CRHBP: variants seen among roughly 807,000 people sequenced by gnomAD.
The protein encoded by CRHBP is corticotropin-releasing hormone-binding protein.
Under a neutral mutation model 34.9 loss-of-function variants are expected in CRHBP, and 19 were observed. The ratio of observed to expected loss-of-function variants is 0.55; its 90% CI spans 0.38 to 0.80. CRHBP has a LOEUF of 0.80. Among genes scored for constraint, CRHBP ranks in the 30% least tolerant of loss-of-function variants. The pLI is 0.00. For missense variants in CRHBP, 328 were observed against 409.2 expected (o/e 0.80, Z 1.71); for synonymous variants, 154 against 153.4 (o/e 1.00, Z -0.03).
intron 6 of CRHBP, among the ~76,000 whole-genome samples, chr5:76,964,568 C>T (rs1174032952): frequency 5.3e-5 from 8 of 152,122 alleles, no homozygotes; most frequent in Non-Finnish European, 8.8e-5. Flanking sequence ...AAATATTCAG[C>T]GTAGGCTAGG....
At chr5:76,963,151 T>G in intron 5 of CRHBP, 192 bp from the exon 6 acceptor site, 2 of 564,590 alleles carry the variant, frequency 3.5e-6, no homozygotes, top group Non-Finnish European at 6.3e-6. Context: ...TCAACTGATT[T>G]AGAAAAGCAA....
Position 76,968,849 on chromosome 5 carries a change from A to C in CRHBP, c.933A>C (p.Gly311=). ...LEPYELENPN[G]NSIGEFCLSG... ...CGTACGAGCTGGAAAACCCAAATGG[A>C]AACAGTATCGGGGAATTCTGTTTGT... Residue 311 remains glycine (G), a synonymous_variant, in exon 7 of 7, where the codon GGA becomes GGC. Coordinates refer to ENST00000274368, the MANE Select transcript of CRHBP (RefSeq NM_001882.4). 1.2e-6 allele frequency: 2 copies of C among 1,614,128 alleles called. No homozygotes were observed. The highest frequency in any genetic ancestry group is 1.7e-6 in the Non-Finnish European group (2 of 1,180,002).
At chr5:76,973,982 G>GTTATTATTA (rs112354774), downstream of CRHBP, among the ~76,000 whole-genome samples, 3 of 147,140 alleles carry the variant, frequency 2.0e-5, no homozygotes, top group African/African-American at 5.0e-5. Flanking sequence ...TTTCTAAATC[G>GTTATTATTA]TTATTATTAT....
At chr5:76,978,635 T>G (rs1203712120) in intron 3 of CRHBP, among the ~76,000 whole-genome samples, 1 of 152,256 alleles carries the variant, frequency 6.6e-6, no homozygotes, top group Non-Finnish European at 1.5e-5. Context: ...GTTGTTTTCA[T>G]GCCTGCTAAC....
At chr5:76,953,769 T>C (rs1344019654) in intron 2 of CRHBP, 75 bp downstream of exon 2, 1 of 1,431,248 alleles carries the variant, frequency 7.0e-7, no homozygotes, top group Non-Finnish European at 9.6e-7. Context: ...GGCAGAGGGC[T>C]CGCGGACATC....
intron 3 of CRHBP, 67 bp downstream of exon 3, chr5:76,954,253 G>A (rs890793369): frequency 1.2e-5 from 18 of 1,536,870 alleles, no homozygotes; most frequent in Non-Finnish European, 1.5e-5. Flanking sequence ...GGGCTGGGGC[G>A]CTGCACCCAG....
At chr5:76,974,248 C>T (rs1467044100), downstream of CRHBP, among the ~76,000 whole-genome samples, 1 of 150,700 alleles carries the variant, frequency 6.6e-6, no homozygotes, top group African/African-American at 2.4e-5. Context: ...AACTCCTGAT[C>T]TCAAATGATC....
At chr5:76,964,716 C>T (rs1053450006) in intron 6 of CRHBP, among the ~76,000 whole-genome samples, 1 of 152,050 alleles carries the variant, frequency 6.6e-6, no homozygotes, top group African/African-American at 2.4e-5. Context: ...ATTAGCCAGG[C>T]ATCGTGGTGC....
At chr5:76,957,321 C>T (rs942065968) in intron 4 of CRHBP, among the ~76,000 whole-genome samples, 7 of 152,152 alleles carry the variant, frequency 4.6e-5, no homozygotes, top group African/African-American at 7.2e-5. Context: ...GTTGATTCAT[C>T]CAGTAATCAG....
At chr5:76,973,003 G>A (rs986414606), downstream of CRHBP, among the ~76,000 whole-genome samples, 6 of 152,120 alleles carry the variant, frequency 3.9e-5, no homozygotes, top group Admixed American at 2.6e-4. Context: ...AGGACTCCAA[G>A]GCCATACAGG....
intron 3 of CRHBP, 60 bp downstream of exon 3, chr5:76,954,246 CTGGGGCGCTGCACCCAGCG>C: frequency 6.4e-7 from 1 of 1,571,128 alleles, no homozygotes; most frequent in Non-Finnish European, 8.6e-7. Flanking sequence ...TTGGAAAGGG[CTGGGGCGCTGCACCCAGCG>C]TGGGGCTGCT....
Position 76,964,996 on chromosome 5 carries a change from AAAAAG to A in CRHBP, c.811+1544_811+1548del, listed in dbSNP as rs547024495. 1.7e-3 allele frequency among the ~76,000 whole-genome samples: 261 copies of A among 152,184 alleles called. 2 individuals are homozygous for A. The highest frequency in any genetic ancestry group is 6.0e-3 in the African/African-American group (249 of 41,492). The stretch of plus-strand genomic sequence containing the variant: ...CAAGACCACACCCCATAAAATAAAA[AAAAAG>A]AAAAGAATCAGGTAAAAAAAAAACA... On this transcript the variant is annotated intron_variant, in intron 6 of 6. Transcript: ENST00000274368.
chr5:76,954,127 T>C lies in CRHBP; in HGVS notation c.274T>C (p.Phe92Leu), dbSNP rs1181350396. The change falls in exon 3 of 7, where the codon TTC becomes CTC. Residue 92 changes from phenylalanine to leucine, a missense_variant. This residue lies in a region of CRHBP where 173 missense variants were observed against 172.2 expected (regional missense o/e 1.00). Transcript: ENST00000274368. ...AAFFISEPEE[F>L]ITIHYDQVSI... Reference sequence around the variant, plus strand: ...CTTCTTCATCAGCGAGCCCGAGGAGTTCATTACCATCCACTACGACCAGGT... The same window carrying C: ...CTTCTTCATCAGCGAGCCCGAGGAGCTCATTACCATCCACTACGACCAGGT... The C allele has an allele frequency of 2.5e-6, 4 of 1,613,378 alleles. No individual in the cohort carries two copies. The highest frequency in any genetic ancestry group is 1.3e-5 in the African/African-American group (1 of 74,760).
downstream of CRHBP, among the ~76,000 whole-genome samples, chr5:76,972,174 C>G (rs571890867): frequency 6.6e-6 from 1 of 151,432 alleles, no homozygotes; most frequent in Non-Finnish European, 1.5e-5. Flanking sequence ...CTGGGGGTCA[C>G]GGGTGCATGC....
chr5:76,962,164 G>A (rs1197034661), intron 5 of CRHBP, among the ~76,000 whole-genome samples: 1 of 152,114 alleles, frequency 6.6e-6, no homozygotes, highest in Non-Finnish European at 1.5e-5. Context: ...TCTATCTAGT[G>A]AAGTACTGAG....
chr5:76,953,366 C>A, intron 1 of CRHBP, 151 bp downstream of exon 1: 1 of 850,812 alleles, frequency 1.2e-6, no homozygotes, highest in South Asian at 1.6e-5. Context: ...CTATCCTGTT[C>A]TCCCTCCTTG....
intron 1 of CRHBP, 114 bp downstream of exon 1, chr5:76,953,329 T>C: frequency 9.9e-7 from 1 of 1,010,782 alleles, no homozygotes; most frequent in Non-Finnish European, 1.5e-6. Flanking sequence ...CCCTCTCTGC[T>C]GGATGCTGTC....
intron 6 of CRHBP, among the ~76,000 whole-genome samples, chr5:76,967,946 G>A (rs185805713): frequency 1.1e-4 from 17 of 151,966 alleles, no homozygotes; most frequent in Non-Finnish European, 1.8e-4. Context: ...ATCCACCCAC[G>A]TCGGCCTCCC....
At chr5:76,953,827 T>C in intron 2 of CRHBP, 133 bp downstream of exon 2, 1 of 1,185,234 alleles carries the variant, frequency 8.4e-7, no homozygotes, top group East Asian at 2.6e-5. Context: ...TCCCCTTAGC[T>C]AAGGATCGGT....
Sources: allele counts gnomAD v4.1 joint callset (sites outside exome capture counted in the v4.1 genomes callset), GRCh38; gene constraint gnomAD v4.1.1; regional missense constraint gnomAD v4.1.1; transcripts MANE v1.5; gene names NCBI Gene and HGNC (gene_info 2026-07-23, HGNC 2026-07-21).